The following ARNT2 variants were observed in gnomAD, a reference collection of about 807,000 sequenced individuals.
The protein encoded by ARNT2 is ARNT protein 2.
In ARNT2, 36 loss-of-function variants were observed where a neutral mutation model predicts 91.7. That is an observed-to-expected ratio of 0.39 (90% CI 0.30 to 0.52). The LOEUF (loss-of-function observed/expected upper bound fraction) is 0.52, where lower values mean the gene tolerates loss of function less well. Among genes scored for constraint, ARNT2 ranks in the 20% least tolerant of loss-of-function variants. The probability of loss-of-function intolerance (pLI) is 0.72; values close to 1 mark genes in which losing one functional copy is unlikely to be tolerated. For synonymous variants in ARNT2, 365 were observed against 347.1 expected (o/e 1.05, Z -0.57); for missense variants, 775 against 939.3 (o/e 0.83, Z 2.29).
At chr15:80,552,613 C>T (rs1041952656) in intron 9 of ARNT2, 27 bp from the exon 10 acceptor site, 1 of 1,611,760 alleles carries the variant, frequency 6.2e-7, no homozygotes. Flanking sequence ...TCAACACCAC[C>T]TCAACTGTGG....
chr15:80,488,270 C>G (rs983625408), intron 5 of ARNT2, among the ~76,000 whole-genome samples: 14 of 152,132 alleles, frequency 9.2e-5, no homozygotes, highest in African/African-American at 3.4e-4. Flanking sequence ...TATTTTCTAT[C>G]CCACCAAAAA....
At chr15:80,421,949 G>A (rs1417916302) in intron 1 of ARNT2, among the ~76,000 whole-genome samples, 1 of 152,154 alleles carries the variant, frequency 6.6e-6, no homozygotes, top group Admixed American at 6.5e-5. Flanking sequence ...AAGCATGGAC[G>A]AATTAAATAG....
At chr15:80,455,560 G>T (rs1030417859) in intron 2 of ARNT2, among the ~76,000 whole-genome samples, 1 of 151,978 alleles carries the variant, frequency 6.6e-6, no homozygotes, top group Non-Finnish European at 1.5e-5. Context: ...CAAAGGGCTG[G>T]GTAAAGAACA....
At chr15:80,512,209 G>T (rs1051096321) in intron 6 of ARNT2, among the ~76,000 whole-genome samples, 7 of 152,188 alleles carry the variant, frequency 4.6e-5, no homozygotes, top group East Asian at 1.9e-4. Context: ...GATCACCAAG[G>T]TTGCCTGTGC....
chr15:80,557,645 T>C (rs1898217579), intron 11 of ARNT2, among the ~76,000 whole-genome samples: 1 of 152,090 alleles, frequency 6.6e-6, no homozygotes, highest in Admixed American at 6.5e-5. Context: ...CTGAATCCTT[T>C]CCCAGCCCCC....
chr15:80,475,813 A>G (rs1217924419), intron 5 of ARNT2, among the ~76,000 whole-genome samples: 1 of 152,182 alleles, frequency 6.6e-6, no homozygotes, highest in African/African-American at 2.4e-5. Flanking sequence ...TTTATCCAAT[A>G]AGCATGTGAT....
chr15:80,404,533 G>A lies in ARNT2; in HGVS notation c.18G>A (p.Ala6=). MATPA[A]VNPPEMASDI... is the part of the protein sequence containing the mutation. ...CGAGCAAGATGGCAACCCCGGCGGC[G>A]GTCAACCCTCCGGGTGAGTAGCGGC... is the stretch of plus-strand genomic sequence containing the variant. Residue 6 remains alanine, a synonymous_variant, in exon 1 of 19, where the codon GCG becomes GCA. Transcript: ENST00000303329. The surrounding 1 kb of genome is among the most constrained non-coding windows in gnomAD (Gnocchi z 5.5). 1 of 1,215,484 alleles carries A rather than the reference G, an allele frequency of 8.2e-7. No individual in the cohort carries two copies. Among genetic ancestry groups the A allele is most frequent in the Non-Finnish European group, 1.0e-6 (1 of 958,576 alleles). 75.3% of individuals were successfully genotyped at this position (1,215,484 alleles called of 1,614,324 possible). A position where few individuals can be genotyped will look rare whatever the true frequency, so the allele number is the denominator to read the frequency against.
chr15:80,415,154 C>T lies in ARNT2; in HGVS notation c.31+10608C>T, dbSNP rs186025610. Among the ~76,000 whole-genome samples the T allele has an allele frequency of 3.2e-4, 48 of 152,348 alleles. No homozygotes were observed. In the East Asian group the frequency reaches 8.7e-3, roughly 28 times the overall value. On this transcript the variant is annotated intron_variant, in intron 1 of 18. Transcript: ENST00000303329. ...TGTCACAAACTGCAGGCCTTATTCC[C>T]AGCTGCTTGCTGGGTCTGTGGTGTC...
chr15:80,478,751 A>G (rs1183545925), intron 5 of ARNT2, among the ~76,000 whole-genome samples: 1 of 152,234 alleles, frequency 6.6e-6, no homozygotes, highest in Non-Finnish European at 1.5e-5. Flanking sequence ...CTACTCAGAC[A>G]GGCCTTAGGG....
chr15:80,533,975 A>G (rs947384222), intron 8 of ARNT2, among the ~76,000 whole-genome samples: 1 of 152,216 alleles, frequency 6.6e-6, no homozygotes. Context: ...ATTCTGATTT[A>G]TTGGAAATGA....
chr15:80,462,109 C>T (rs75468941), intron 3 of ARNT2, among the ~76,000 whole-genome samples: 6,247 of 152,196 alleles, frequency 0.041, 163 homozygotes, highest in South Asian at 0.095. Context: ...TCCTGCCCAG[C>T]ACGTCCTGCA....
At chr15:80,518,990 A>T (rs1408764649) in intron 8 of ARNT2, among the ~76,000 whole-genome samples, 1 of 152,188 alleles carries the variant, frequency 6.6e-6, no homozygotes, top group East Asian at 1.9e-4. Flanking sequence ...GGGAAAACCC[A>T]TGAAAGTGTG....
intron 8 of ARNT2, among the ~76,000 whole-genome samples, chr15:80,530,459 G>A (rs557714892): frequency 6.6e-6 from 1 of 152,256 alleles, no homozygotes; most frequent in Non-Finnish European, 1.5e-5. Context: ...TAAGCTTGTA[G>A]GTTGGTCTTG....
Position 80,496,588 on chromosome 15 carries a change from C to G in ARNT2, c.623-11568C>G, listed in dbSNP as rs148037433. 4.5e-3 allele frequency among the ~76,000 whole-genome samples: 689 copies of G among 152,288 alleles called. 5 individuals are homozygous for G. Among genetic ancestry groups the G allele is most frequent in the African/African-American group, 0.016 (653 of 41,550 alleles). The stretch of plus-strand genomic sequence containing the variant: ...TTGCCTGTCACCAGCCTTTCCCTGC[C>G]TGGATAACCATATAGAACCAGGAAA... On this transcript the variant is annotated intron_variant, in intron 5 of 18. Transcript: ENST00000303329.
At chr15:80,590,718 G>A (rs1893260645) in intron 17 of ARNT2, among the ~76,000 whole-genome samples, 1 of 152,334 alleles carries the variant, frequency 6.6e-6, no homozygotes, top group Middle Eastern at 3.4e-3. Flanking sequence ...TTCCAGCCAG[G>A]GCAGTGGAAT....
rs1897299117 is a variant in ARNT2 at position 80,508,140 on chromosome 15, C to T, written c.623-16C>T. ...GAAGGCAGAGGCTTACGTAACTGTC[C>T]TTCTCTCTCTCTTAGGCCGGATCTT... On this transcript the variant is annotated splice_polypyrimidine_tract_variant and intron_variant, in intron 5 of 18. Coordinates refer to ENST00000303329, the MANE Select transcript of ARNT2 (RefSeq NM_014862.4). The T allele has an allele frequency of 6.2e-7, 1 of 1,611,078 alleles. No homozygotes were observed. The highest frequency in any genetic ancestry group is 1.3e-5 in the African/African-American group (1 of 74,668).
chr15:80,569,357 C>T (rs961075600), intron 12 of ARNT2, among the ~76,000 whole-genome samples: 1 of 152,350 alleles, frequency 6.6e-6, no homozygotes. Context: ...AACCCACTTC[C>T]CTCGCATGTG....
chr15:80,514,080 A>T (rs1280188443), intron 7 of ARNT2, 104 bp downstream of exon 7: 9 of 1,162,520 alleles, frequency 7.7e-6, no homozygotes, highest in Non-Finnish European at 1.1e-5. Context: ...TGTGGTGAGG[A>T]CCAAGAGAAC....
intron 9 of ARNT2, among the ~76,000 whole-genome samples, chr15:80,551,893 G>A (rs1308762946): frequency 6.6e-6 from 1 of 152,056 alleles, no homozygotes; most frequent in Non-Finnish European, 1.5e-5. Flanking sequence ...TTCTTTCACT[G>A]TCTGTTGCAG....
Sources: allele counts gnomAD v4.1 joint callset (sites outside exome capture counted in the v4.1 genomes callset), GRCh38; gene constraint gnomAD v4.1.1; non-coding constraint Gnocchi (gnomAD v3.1); transcripts MANE v1.5; gene names NCBI Gene and HGNC (gene_info 2026-07-23, HGNC 2026-07-21).